Variants in NRCAM observed in about 807,000 individuals in gnomAD.
NRCAM encodes neuronal cell adhesion molecule.
NRCAM carries 83 observed loss-of-function variants against 156.5 expected under a neutral mutation model. The observed-to-expected ratio is 0.53, with a 90% CI of 0.44 to 0.64. The LOEUF (loss-of-function observed/expected upper bound fraction) is 0.64, where lower values mean the gene tolerates loss of function less well. NRCAM is among the 30% of genes least tolerant of loss of function. NRCAM has a pLI of 0.00. For missense variants in NRCAM, 1,417 were observed against 1,597.3 expected, an observed-to-expected ratio of 0.89 and a Z score of 1.92; for synonymous variants, 538 against 563.9, an observed-to-expected ratio of 0.95 and a Z score of 0.65.
intron 30 of NRCAM, among the ~76,000 whole-genome samples, chr7:108,164,553 GAGAGGA>G (rs1421451656): frequency 3.9e-5 from 3 of 77,502 alleles, no homozygotes; most frequent in Non-Finnish European, 8.3e-5. Context: ...GAACCGAGAG[GAGAGGA>G]GAGGAGAGGA....
chr7:108,173,614 AC>A (rs1237448844), intron 28 of NRCAM, among the ~76,000 whole-genome samples: 1 of 152,218 alleles, frequency 6.6e-6, no homozygotes. Context: ...ATACTTAACT[AC>A]TGCTATACTA....
intron 1 of NRCAM, among the ~76,000 whole-genome samples, chr7:108,419,486 A>C (rs896251063): frequency 2.0e-5 from 3 of 152,138 alleles, no homozygotes; most frequent in African/African-American, 7.2e-5. Flanking sequence ...GTTTCATCAA[A>C]TGTTGCTCTT....
chr7:108,184,788 C>A (rs2153376820), intron 20 of NRCAM, among the ~76,000 whole-genome samples, 174 bp from the exon 21 acceptor site: 1 of 152,228 alleles, frequency 6.6e-6, no homozygotes, highest in South Asian at 2.1e-4. Context: ...TTATCCTCAA[C>A]ATATAAACAC....
At chr7:108,362,204 G>A (rs886289790) in intron 2 of NRCAM, among the ~76,000 whole-genome samples, 1 of 152,162 alleles carries the variant, frequency 6.6e-6, no homozygotes, top group Non-Finnish European at 1.5e-5. Context: ...GGTGTCTGAT[G>A]AGGGCTGTCC....
intron 11 of NRCAM, among the ~76,000 whole-genome samples, chr7:108,214,295 G>T (rs887110498): frequency 3.3e-5 from 5 of 152,058 alleles, no homozygotes; most frequent in Admixed American, 2.0e-4. Context: ...GTCTATTCAG[G>T]GATTTGACTT....
Position 108,240,179 on chromosome 7 carries a change from G to A in NRCAM, c.-106-9C>T. ...AATTTTCATGCGGGAAACTGAAAAA[G>A]GATAGAGTAGGAATAATAATTATAA... On this transcript the variant is annotated splice_polypyrimidine_tract_variant and intron_variant, in intron 3 of 32. Transcript: ENST00000379028. The A allele has an allele frequency of 3.1e-6, 2 of 642,312 alleles. No homozygotes were observed. The highest frequency in any genetic ancestry group is 1.9e-5 in the South Asian group (1 of 53,306). 39.8% of individuals were successfully genotyped at this position (642,312 alleles called of 1,614,324 possible).
intron 3 of NRCAM, among the ~76,000 whole-genome samples, chr7:108,254,134 T>C (rs974087051): frequency 2.6e-5 from 4 of 152,066 alleles, no homozygotes; most frequent in Admixed American, 6.6e-5. Context: ...CTGATAAACT[T>C]AACATAATCA....
rs1349740384 is a variant in NRCAM at position 108,194,446 on chromosome 7, T to A, written c.1464-18A>T. ...CTTTAAACCTTCATTACAGAAATTATCACAATGAGAATAAAAACACATTAT... is the reference window on the plus strand; with the variant it reads ...CTTTAAACCTTCATTACAGAAATTAACACAATGAGAATAAAAACACATTAT... On this transcript the variant is annotated intron_variant, in intron 15 of 32. Transcript: ENST00000379028. 1 of 1,539,594 alleles carries A rather than the reference T, an allele frequency of 6.5e-7. No individual in the cohort carries two copies. Among genetic ancestry groups the A allele is most frequent in the East Asian group, 2.3e-5 (1 of 44,322 alleles).
intron 32 of NRCAM, among the ~76,000 whole-genome samples, chr7:108,150,425 A>C (rs575571763): frequency 2.0e-5 from 3 of 152,334 alleles, no homozygotes; most frequent in Admixed American, 6.5e-5. Context: ...AGCAATCCAG[A>C]AATAATCACA....
In NRCAM at chr7:108,290,339, C is replaced by T. The variant is rs865862990; in HGVS notation, c.-107+22326G>A. 2.0e-5 allele frequency among the ~76,000 whole-genome samples: 3 copies of T among 152,156 alleles called. No homozygotes were observed. The Middle Eastern group carries it at 0.01, about 518-fold the overall frequency. ...GCCCTTAAAATGATGTGTTGGGTGCCGTATTTTCCCACTGCTGACCACCAG... is the reference window on the plus strand; with the variant it reads ...GCCCTTAAAATGATGTGTTGGGTGCTGTATTTTCCCACTGCTGACCACCAG... On this transcript the variant is annotated intron_variant, in intron 3 of 32. Transcript: ENST00000379028.
intron 2 of NRCAM, among the ~76,000 whole-genome samples, chr7:108,317,024 GCCT>G (rs2098934872): frequency 1.3e-5 from 2 of 152,094 alleles, no homozygotes; most frequent in Non-Finnish European, 2.9e-5. Flanking sequence ...TCTTTTCCAC[GCCT>G]CCTATCTCTC....
intron 2 of NRCAM, among the ~76,000 whole-genome samples, chr7:108,397,746 G>T (rs545334318): frequency 1.3e-5 from 2 of 152,344 alleles, no homozygotes; most frequent in Admixed American, 1.3e-4. Flanking sequence ...TGTAGCTATT[G>T]TGAATTAAAA....
rs1167206787 is a variant in NRCAM at position 108,163,993 on chromosome 7, GC to G, written c.3466+2927del. Among the ~76,000 whole-genome samples, 12 of 1,446 alleles carry G rather than the reference GC, an allele frequency of 8.3e-3. 4 individuals are homozygous for G. The highest frequency in any genetic ancestry group is 0.026 in the East Asian group (1 of 38). 0.9% of individuals were successfully genotyped at this position (1,446 alleles called of 152,430 possible). The stretch of plus-strand genomic sequence containing the variant: ...GTGAGAGGTCATACCGGGTGGGGTG[GC>G]GGTAATGAGAGGTCATACCAGGTGG... On this transcript the variant is annotated intron_variant, in intron 30 of 32. Transcript: ENST00000379028.
At chr7:108,431,474 C>T (rs764948888) in intron 1 of NRCAM, among the ~76,000 whole-genome samples, 1 of 152,130 alleles carries the variant, frequency 6.6e-6, no homozygotes, top group Non-Finnish European at 1.5e-5. Context: ...GAGCAGAGGA[C>T]AGTAATGGCA....
At chr7:108,211,635 G>A (rs1468092576) in intron 11 of NRCAM, among the ~76,000 whole-genome samples, 1 of 152,080 alleles carries the variant, frequency 6.6e-6, no homozygotes, top group African/African-American at 2.4e-5. Flanking sequence ...CCAACAACCT[G>A]CATGACTCAG....
chr7:108,403,101 A>G (rs2099797679), intron 1 of NRCAM, among the ~76,000 whole-genome samples: 1 of 152,200 alleles, frequency 6.6e-6, no homozygotes. Context: ...AGAGTGCCCA[A>G]ATTCATACAG....
At position 108,400,250 on chromosome 7, in the gene NRCAM, T is replaced by C. The variant is rs146250988; in HGVS notation, c.-331-657A>G. On this transcript the variant is annotated intron_variant, in intron 1 of 32. Transcript: ENST00000379028. ...CAGGTGTGCTTGAATATTATGTTTA[T>C]TACATATCTCACTTTTATGAGAGAG... is the stretch of plus-strand genomic sequence containing the variant. Among the ~76,000 whole-genome samples, 4 of 152,334 alleles carry C rather than the reference T, an allele frequency of 2.6e-5. No homozygotes were observed. In the East Asian group the frequency reaches 7.7e-4, roughly 29 times the overall value.
chr7:108,330,271 C>T (rs975981618), intron 2 of NRCAM, among the ~76,000 whole-genome samples: 3 of 152,136 alleles, frequency 2.0e-5, no homozygotes, highest in African/African-American at 4.8e-5. Flanking sequence ...AAAAGGCTCA[C>T]ACACCAACTT....
rs191287259 is a variant in NRCAM, at chr7:108,388,007, T to C, written c.-174+11429A>G. On this transcript the variant is annotated intron_variant, in intron 2 of 32. Transcript: ENST00000379028. ...AAGTCTTTGCTATTGTGAATAGTGC[T>C]GCAATAAACATATGTGTGCATGTGT... 5.5e-4 allele frequency among the ~76,000 whole-genome samples: 83 copies of C among 152,274 alleles called. 2 individuals are homozygous for C. The East Asian group carries it at 0.015, about 28-fold the overall frequency.
Sources: gnomAD v4.1 joint callset for allele counts (sites outside exome capture counted in the v4.1 genomes callset) on GRCh38, gnomAD v4.1.1 for gene constraint, MANE v1.5 for transcripts, NCBI Gene and HGNC (gene_info 2026-07-23, HGNC 2026-07-21) for gene names.